ZC3HAV1: variants seen among roughly 807,000 people sequenced by gnomAD.
The protein encoded by ZC3HAV1 is zinc finger CCCH-type antiviral protein 1.
ZC3HAV1 carries 41 observed loss-of-function variants against 86.6 expected under a neutral mutation model. That is an observed-to-expected ratio of 0.47 (90% confidence interval 0.37 to 0.61). ZC3HAV1 has a LOEUF of 0.61. ZC3HAV1 is among the 20% of genes least tolerant of loss of function. The pLI, the probability that ZC3HAV1 is intolerant of heterozygous loss-of-function variation, is 0.00. For synonymous variants in ZC3HAV1, 421 were observed against 432.1 expected (o/e 0.97, Z 0.32); for missense variants, 964 against 1,141.1 (o/e 0.84, Z 2.24).
chr7:139,061,256 T>C (rs1816434843), intron 8 of ZC3HAV1, 118 bp from the exon 9 acceptor site: 2 of 914,400 alleles, frequency 2.2e-6, no homozygotes, highest in Non-Finnish European at 3.2e-6. Flanking sequence ...CCTGTATGTA[T>C]ACGAATAGAG....
At chr7:139,059,038 A>C (rs1816371643) in intron 9 of ZC3HAV1, among the ~76,000 whole-genome samples, 1 of 152,178 alleles carries the variant, frequency 6.6e-6, no homozygotes, top group Admixed American at 6.5e-5. Flanking sequence ...TGTTGCTTTA[A>C]GGAAAGACAG....
rs1024042020 is a variant in ZC3HAV1 at position 139,045,986 on chromosome 7, A to G, written c.*1608T>C. The stretch of plus-strand genomic sequence containing the variant: ...GTGGAGATCTCTGTGATGATCCAAA[A>G]TCTGACTAATATAAAATCAACTCTG... On this transcript the variant is annotated 3_prime_UTR_variant, in exon 13 of 13. Transcript: ENST00000242351. 1.5e-5 allele frequency: 2 copies of G among 137,108 alleles called. No individual in the cohort carries two copies. The highest frequency in any genetic ancestry group is 1.5e-4 in the Admixed American group (2 of 13,592). The allele number at this position is 137,108 out of a possible 1,614,324, so 8.5% of individuals were successfully genotyped here. A position where few individuals can be genotyped will look rare whatever the true frequency, so the allele number is the denominator to read the frequency against.
intron 8 of ZC3HAV1, 50 bp downstream of exon 8, chr7:139,064,829 C>T (rs1584846747): frequency 6.2e-7 from 1 of 1,613,680 alleles, no homozygotes; most frequent in East Asian, 2.2e-5. Context: ...CACGTGTACA[C>T]TGCAGGCGGA....
In ZC3HAV1 at chr7:139,045,931, T is replaced by A. The variant is rs13228525; in HGVS notation, c.*1663A>T. ...TTTTTTTTTTTTTTTTTTTTTTTTTTACCGGTGGAGCTGTTTAAGCCAAGG... is the reference window on the plus strand; with the variant it reads ...TTTTTTTTTTTTTTTTTTTTTTTTTAACCGGTGGAGCTGTTTAAGCCAAGG... On this transcript the variant is annotated 3_prime_UTR_variant, in exon 13 of 13. Transcript: ENST00000242351. 1.2e-4 allele frequency: 14 copies of A among 120,066 alleles called. No individual in the cohort carries two copies. Among genetic ancestry groups the A allele is most frequent in the Middle Eastern group, 4.3e-3 (1 of 232 alleles). The allele number at this position is 120,066 out of a possible 1,614,324, so 7.4% of individuals were successfully genotyped here. A position where few individuals can be genotyped will look rare whatever the true frequency, so the allele number is the denominator to read the frequency against.
At chr7:139,084,401 C>T (rs1377315305) in intron 2 of ZC3HAV1, among the ~76,000 whole-genome samples, 1 of 152,246 alleles carries the variant, frequency 6.6e-6, no homozygotes, top group African/African-American at 2.4e-5. Context: ...TGGGTCTTAC[C>T]TGCAACTGTT....
At chr7:139,078,749 G>C in intron 4 of ZC3HAV1, 96 bp from the exon 5 acceptor site, 1 of 942,244 alleles carries the variant, frequency 1.1e-6, no homozygotes, top group Non-Finnish European at 1.5e-6. Context: ...ATCTGAAATG[G>C]GGGCCATGTT....
At chr7:139,071,987 C>T (rs1460879101) in intron 7 of ZC3HAV1, among the ~76,000 whole-genome samples, 1 of 152,184 alleles carries the variant, frequency 6.6e-6, no homozygotes, top group Non-Finnish European at 1.5e-5. Flanking sequence ...ACTAACATAA[C>T]AGAGTAGTGC....
chr7:139,095,310 G>A (rs571401501), intron 1 of ZC3HAV1, among the ~76,000 whole-genome samples: 1 of 152,112 alleles, frequency 6.6e-6, no homozygotes, highest in Non-Finnish European at 1.5e-5. Context: ...GTTATTAGAG[G>A]GTAGGGATGG....
chr7:139,060,460 T>C (rs1211705010), intron 9 of ZC3HAV1: 1 of 991,040 alleles, frequency 1.0e-6, no homozygotes, highest in African/African-American at 1.7e-5. Context: ...ACCCTTGCTC[T>C]AACAGCTAGC....
intron 12 of ZC3HAV1, among the ~76,000 whole-genome samples, chr7:139,051,600 C>T (rs1816126307): frequency 1.3e-5 from 2 of 151,880 alleles, no homozygotes; most frequent in South Asian, 4.1e-4. Flanking sequence ...GTAATTAAAA[C>T]AAAAAATTAG....
At chr7:139,080,289 A>C (rs762995479) in intron 3 of ZC3HAV1, 46 bp from the exon 4 acceptor site, 3 of 1,608,964 alleles carry the variant, frequency 1.9e-6, no homozygotes, top group Middle Eastern at 3.3e-4. Context: ...TGAACATTGG[A>C]GTTAATGTGA....
chr7:139,080,012 G>C lies in ZC3HAV1; in HGVS notation c.929C>G (p.Ser310Ter). 6.2e-7 allele frequency: 1 copy of C among 1,614,178 alleles called. No homozygotes were observed. The highest frequency in any genetic ancestry group is 8.5e-7 in the Non-Finnish European group (1 of 1,180,028). Residue 310 changes from serine to a stop codon, truncating the protein, a stop_gained, in exon 4 of 13, where the codon TCA becomes TGA. Transcript: ENST00000242351. LOFTEE classifies it high-confidence loss of function. ...LGSQDRARPPSGSSKATDLGG... is the reference protein window; with the variant it reads ...LGSQDRARPP ...AAGATCAGTAGCCTTGGACGAGCCT[G>C]AGGGAGGCCGAGCGCGATCCTGACT...
At chr7:139,097,411 TATATATATATA>T (rs1563140556) in intron 1 of ZC3HAV1, among the ~76,000 whole-genome samples, 3 of 79,506 alleles carry the variant, frequency 3.8e-5, no homozygotes, top group East Asian at 4.1e-4. Context: ...CATATATATA[TATATATATATA>T]TATATATTTT....
At position 139,085,613 on chromosome 7, in the gene ZC3HAV1, C is replaced by T. The variant is rs556613255; in HGVS notation, c.445-1581G>A. Reference sequence around the variant, plus strand: ...GGAAACATTTCACTGTGGTCCCCATCTCACACCCCCTAAACCACAAAGCTG... The same window carrying T: ...GGAAACATTTCACTGTGGTCCCCATTTCACACCCCCTAAACCACAAAGCTG... On this transcript the variant is annotated intron_variant, in intron 2 of 12. Transcript: ENST00000242351. 3.3e-5 allele frequency among the ~76,000 whole-genome samples: 5 copies of T among 152,338 alleles called. No homozygotes were observed. The East Asian group carries it at 9.6e-4, about 29-fold the overall frequency.
chr7:139,053,130 G>A lies in ZC3HAV1; in HGVS notation c.2449+321C>T, dbSNP rs746751726. Among the ~76,000 whole-genome samples the A allele has an allele frequency of 5.3e-5, 8 of 152,228 alleles. No homozygotes were observed. In the South Asian group the frequency reaches 6.2e-4, roughly 12 times the overall value. ...TTCGCAGGCATGGACATGGGTTCAGGAAGAGCCAAGCCAGAAGTGAGTAGT... is the reference window on the plus strand; with the variant it reads ...TTCGCAGGCATGGACATGGGTTCAGAAAGAGCCAAGCCAGAAGTGAGTAGT... On this transcript the variant is annotated intron_variant, in intron 12 of 12. Transcript: ENST00000242351.
chr7:139,078,368 G>C (rs1325863979), intron 5 of ZC3HAV1, among the ~76,000 whole-genome samples, 184 bp downstream of exon 5: 1 of 151,818 alleles, frequency 6.6e-6, no homozygotes, highest in South Asian at 2.1e-4. Context: ...ATGAATAATA[G>C]TTCCTCAAAA....
chr7:139,057,705 A>C lies in ZC3HAV1; in HGVS notation c.2097-2410T>G, dbSNP rs1486128041. On this transcript the variant is annotated intron_variant, in intron 9 of 12. Transcript: ENST00000242351. ...AGGCGCCCGCCACCACGCCCGGCTA[A>C]TTTTTTTGTTATTTTTAGTAGAGAT... is the stretch of plus-strand genomic sequence containing the variant. Among the ~76,000 whole-genome samples, 6 of 79,248 alleles carry C rather than the reference A, an allele frequency of 7.6e-5. 2 individuals are homozygous for C. The highest frequency in any genetic ancestry group is 1.5e-4 in the Non-Finnish European group (6 of 41,294). 52.0% of individuals were successfully genotyped at this position (79,248 alleles called of 152,430 possible). A position where few individuals can be genotyped will look rare whatever the true frequency, so the allele number is the denominator to read the frequency against.
chr7:139,106,421 T>C (rs1292550641), intron 1 of ZC3HAV1, among the ~76,000 whole-genome samples: 1 of 152,186 alleles, frequency 6.6e-6, no homozygotes, highest in African/African-American at 2.4e-5. Flanking sequence ...GAGACCGGCC[T>C]GGCCAACATC....
At chr7:139,090,321 T>C (rs909790275) in intron 1 of ZC3HAV1, among the ~76,000 whole-genome samples, 1 of 152,158 alleles carries the variant, frequency 6.6e-6, no homozygotes, top group African/African-American at 2.4e-5. Context: ...TAACTATTCT[T>C]TTCTTTGATC....
Sources: allele counts gnomAD v4.1 joint callset (sites outside exome capture counted in the v4.1 genomes callset), GRCh38; gene constraint gnomAD v4.1.1; transcripts MANE v1.5; gene names NCBI Gene and HGNC (gene_info 2026-07-23, HGNC 2026-07-21).